The following RBPJ variants were observed in gnomAD, a reference collection of about 807,000 sequenced individuals.
RBPJ encodes recombining binding protein suppressor of hairless.
A neutral mutation model predicts 67.8 loss-of-function variants in RBPJ; 9 were observed. The ratio of observed to expected loss-of-function variants is 0.13; its 90% confidence interval spans 0.08 to 0.23. The LOEUF (loss-of-function observed/expected upper bound fraction) is 0.23. Ranked by LOEUF, RBPJ falls within the 10% of genes least tolerant of loss-of-function variation. The pLI, the probability that RBPJ is intolerant of heterozygous loss-of-function variation, is 1.00. For synonymous variants in RBPJ, 198 were observed against 203.3 expected (o/e 0.97, Z 0.22); for missense variants, 305 against 595.6 (o/e 0.51, Z 5.08).
intron 1 of RBPJ, among the ~76,000 whole-genome samples, chr4:26,184,204 A>AGAAAC (rs56929402): frequency 6.6e-6 from 1 of 151,092 alleles, no homozygotes; most frequent in Admixed American, 6.6e-5. Context: ...AAAGAAAGAA[A>AGAAAC]AAAAATGTAT....
In RBPJ at chr4:26,407,883, C is replaced by CTTTTTTTT. The variant is rs61575988; in HGVS notation, c.155+1635_155+1642dup. ...TGAAAAGAGGGGTAAAGCTTTCTTTCTTTTTTTTTTTTTTTTTTTTTTTTT... is the reference window on the plus strand; with the variant it reads ...TGAAAAGAGGGGTAAAGCTTTCTTTCTTTTTTTTTTTTTTTTTTTTTTTTTTTTTTTTT... On this transcript the variant is annotated intron_variant, in intron 3 of 10. Coordinates refer to ENST00000355476, the MANE Select transcript of RBPJ (RefSeq NM_015874.6). 1.1e-3 allele frequency among the ~76,000 whole-genome samples: 67 copies of CTTTTTTTT among 63,626 alleles called. 2 individuals carry two copies. The highest frequency in any genetic ancestry group is 4.0e-3 in the African/African-American group (60 of 15,128). The allele number at this position is 63,626 out of a possible 152,430, so 41.7% of individuals were successfully genotyped here.
intron 2 of RBPJ, among the ~76,000 whole-genome samples, chr4:26,395,764 C>G (rs1732056527): frequency 6.6e-6 from 1 of 152,188 alleles, no homozygotes; most frequent in African/African-American, 2.4e-5. Flanking sequence ...CCCAGCTTCA[C>G]AAACGGACTA....
intron 1 of RBPJ, among the ~76,000 whole-genome samples, chr4:26,196,712 A>T (rs1717776859): frequency 6.6e-6 from 1 of 152,190 alleles, no homozygotes; most frequent in Non-Finnish European, 1.5e-5. Flanking sequence ...CACATAACAG[A>T]CAGCCACATA....
chr4:26,139,917 T>A, the RBPJ span, among the ~76,000 whole-genome samples: 1 of 152,228 alleles, frequency 6.6e-6, no homozygotes, highest in Non-Finnish European at 1.5e-5. Context: ...CAGACCCACC[T>A]GGAGCCTCTG....
chr4:26,383,347 C>A (rs1226996112), intron 1 of RBPJ, among the ~76,000 whole-genome samples: 2 of 152,212 alleles, frequency 1.3e-5, no homozygotes, highest in Non-Finnish European at 2.9e-5. Flanking sequence ...GAATCTCTTA[C>A]TAGCCATGTA....
intron 1 of RBPJ, among the ~76,000 whole-genome samples, chr4:26,374,811 A>G (rs1170347979): frequency 2.0e-5 from 3 of 152,222 alleles, no homozygotes; most frequent in Non-Finnish European, 4.4e-5. Flanking sequence ...TTGAAATGCA[A>G]TTAAATTCTG....
At chr4:26,166,460 G>T (rs1301678854) in intron 1 of RBPJ, among the ~76,000 whole-genome samples, 7 of 144,674 alleles carry the variant, frequency 4.8e-5, no homozygotes, top group Admixed American at 1.4e-4. Context: ...GCATTTCTCT[G>T]ATGGCCAGTG....
rs1375929416 is a variant in RBPJ at position 26,434,607 on chromosome 4, G to T, written c.*3600G>T. ...TCAGGACTGAACTGTATCTCCTTTT[G>T]TTAATTTTCCCCTGTGTTGTGATAA... is the stretch of plus-strand genomic sequence containing the variant. On this transcript the variant is annotated 3_prime_UTR_variant, in exon 11 of 11. Coordinates refer to ENST00000355476, the MANE Select transcript of RBPJ (RefSeq NM_015874.6). 4.6e-5 allele frequency: 7 copies of T among 152,154 alleles called. No homozygotes were observed. Among genetic ancestry groups the T allele is most frequent in the African/African-American group, 1.7e-4 (7 of 41,424 alleles). 9.4% of individuals were successfully genotyped at this position (152,154 alleles called of 1,614,324 possible).
chr4:26,156,689 C>T, the RBPJ span, among the ~76,000 whole-genome samples: 14 of 152,022 alleles, frequency 9.2e-5, no homozygotes, highest in South Asian at 2.1e-4. Context: ...TCCTGACCTC[C>T]GGTGATCCAT....
rs1209947893 is a variant in RBPJ, at chr4:26,432,497, A to G, written c.*1490A>G. On this transcript the variant is annotated 3_prime_UTR_variant, in exon 11 of 11. Coordinates refer to ENST00000355476, the MANE Select transcript of RBPJ (RefSeq NM_015874.6). ...AATGTTTCTTTTCTTTTCAGTTGAG[A>G]TTTGGTTGCATTCAGGGTTGTAGGT... 2 of 151,714 alleles carry G rather than the reference A, an allele frequency of 1.3e-5. No homozygotes were observed. Among genetic ancestry groups the G allele is most frequent in the East Asian group, 1.9e-4 (1 of 5,174 alleles). 9.4% of individuals were successfully genotyped at this position (151,714 alleles called of 1,614,324 possible).
chr4:26,294,191 G>T (rs796235860), intron 1 of RBPJ, among the ~76,000 whole-genome samples: 1 of 150,402 alleles, frequency 6.6e-6, no homozygotes, highest in Admixed American at 6.6e-5. Context: ...TCTGTCACCC[G>T]GGTTCAAGCA....
intron 1 of RBPJ, among the ~76,000 whole-genome samples, chr4:26,332,412 T>A (rs1724356775): frequency 6.6e-6 from 1 of 152,182 alleles, no homozygotes. Flanking sequence ...GCTTAAATAA[T>A]TAAATACAAA....
chr4:26,287,777 G>A (rs1180078137), intron 1 of RBPJ, among the ~76,000 whole-genome samples: 1 of 149,356 alleles, frequency 6.7e-6, no homozygotes, highest in Non-Finnish European at 1.5e-5. Flanking sequence ...AACGCAGGCA[G>A]GCAGGCAAGA....
chr4:26,210,752 CTTCT>C (rs762128862), intron 1 of RBPJ, among the ~76,000 whole-genome samples: 628 of 47,186 alleles, frequency 0.013, 3 homozygotes, highest in African/African-American at 0.024. Flanking sequence ...TCCTTCTTTC[CTTCT>C]TTCTTTCTTT....
intron 2 of RBPJ, among the ~76,000 whole-genome samples, chr4:26,392,887 A>C (rs1731665987): frequency 2.0e-5 from 3 of 152,232 alleles, no homozygotes. Context: ...GAAAGGGATT[A>C]GTGTATCTTC....
At chr4:26,315,432 G>A (rs976676833), upstream of RBPJ, among the ~76,000 whole-genome samples, 12 of 151,676 alleles carry the variant, frequency 7.9e-5, no homozygotes, top group African/African-American at 2.2e-4. Context: ...GGGGGTGTAC[G>A]AACAGGGAGT....
At chr4:26,331,458 A>T (rs534115951) in intron 1 of RBPJ, among the ~76,000 whole-genome samples, 30 of 151,770 alleles carry the variant, frequency 2.0e-4, no homozygotes, top group East Asian at 9.7e-4. Flanking sequence ...ATGCATTTTT[A>T]AAAAATAGCC....
intron 1 of RBPJ, among the ~76,000 whole-genome samples, chr4:26,311,639 C>G (rs1044575970): frequency 8.5e-5 from 13 of 152,090 alleles, no homozygotes; most frequent in African/African-American, 3.1e-4. Context: ...TGGATACACA[C>G]CTAGGAACTC....
At chr4:26,315,914 C>CT (rs1450936433), upstream of RBPJ, among the ~76,000 whole-genome samples, 2 of 152,114 alleles carry the variant, frequency 1.3e-5, no homozygotes, top group East Asian at 3.9e-4. Flanking sequence ...AAAAATATGG[C>CT]TTTTTTTGCC....
Sources: allele counts gnomAD v4.1 joint callset (sites outside exome capture counted in the v4.1 genomes callset), GRCh38; gene constraint gnomAD v4.1.1; transcripts MANE v1.5; gene names NCBI Gene and HGNC (gene_info 2026-07-23, HGNC 2026-07-21).